Variants in NDUFA8 observed in about 807,000 individuals in gnomAD.
NDUFA8 encodes the protein NADH dehydrogenase [ubiquinone] 1 alpha subcomplex subunit 8.
NDUFA8 carries 16 observed loss-of-function variants against 20.9 expected under a neutral mutation model. The ratio of observed to expected loss-of-function variants is 0.77; its 90% CI spans 0.52 to 1.16. The LOEUF (loss-of-function observed/expected upper bound fraction) is 1.16, where lower values mean the gene tolerates loss of function less well. Among genes scored for constraint, NDUFA8 ranks in the 50% most tolerant of loss-of-function variants. The pLI is 0.00. For synonymous variants in NDUFA8, 70 were observed against 76.1 expected, an observed-to-expected ratio of 0.92 and a Z score of 0.41; for missense variants, 202 against 216.4, an observed-to-expected ratio of 0.93 and a Z score of 0.42.
intron 1 of NDUFA8, among the ~76,000 whole-genome samples, chr9:122,155,889 A>G (rs1215266455): frequency 1.3e-5 from 2 of 152,242 alleles, no homozygotes; most frequent in Non-Finnish European, 2.9e-5. Context: ...AGGTATACAC[A>G]TGTTGCTGAG....
chr9:122,148,279 T>C lies in NDUFA8; in HGVS notation c.216-2A>G. ...TCTGCACAGTGACGTTTTATCTGCC[T>C]GGAAAAGAAAGCTGGGTTAGGGGCA... On this transcript the variant is annotated splice_acceptor_variant, in intron 2 of 3. Transcript: ENST00000373768. LOFTEE classifies it high-confidence loss of function. The C allele has an allele frequency of 6.2e-7, 1 of 1,614,082 alleles. No homozygotes were observed. Among genetic ancestry groups the C allele is most frequent in the Non-Finnish European group, 8.5e-7 (1 of 1,179,982 alleles).
downstream of NDUFA8, among the ~76,000 whole-genome samples, chr9:122,141,886 C>T (rs1828826773): frequency 6.6e-6 from 1 of 152,174 alleles, no homozygotes; most frequent in Non-Finnish European, 1.5e-5. Context: ...TTTCTTTGTT[C>T]AAGGAATTCA....
In NDUFA8 at chr9:122,152,354, A is replaced by C. The variant is rs1173639392; in HGVS notation, c.106T>G (p.Cys36Gly). The C allele has an allele frequency of 6.2e-7, 1 of 1,614,124 alleles. No homozygotes were observed. Among genetic ancestry groups the C allele is most frequent in the South Asian group, 1.1e-5 (1 of 91,080 alleles). The change falls in exon 2 of 4, where the codon TGT becomes GGT. Residue 36 changes from cysteine to glycine, a missense_variant. Cys to Gly is a radical substitution (Grantham distance 159). Coordinates refer to ENST00000373768, the MANE Select transcript of NDUFA8 (RefSeq NM_014222.3). ...KAAAHHYGAQ[C>G]DKPNKEFMLC... ...ATAAACTCCTTGTTGGGCTTATCACATTGAGCTCCATAGTGATGGGCCGCA... is the reference window on the plus strand; with the variant it reads ...ATAAACTCCTTGTTGGGCTTATCACCTTGAGCTCCATAGTGATGGGCCGCA...
downstream of NDUFA8, among the ~76,000 whole-genome samples, chr9:122,141,919 G>A (rs1828827421): frequency 6.6e-6 from 1 of 152,108 alleles, no homozygotes; most frequent in Non-Finnish European, 1.5e-5. Flanking sequence ...GAGGGGGGAG[G>A]CAAGAACTGC....
downstream of NDUFA8, among the ~76,000 whole-genome samples, chr9:122,140,578 T>G (rs1406931871): frequency 6.6e-6 from 1 of 152,192 alleles, no homozygotes; most frequent in Non-Finnish European, 1.5e-5. Context: ...TCCTGGATGT[T>G]TGTCATATAC....
chr9:122,149,312 T>C (rs1351417177), intron 2 of NDUFA8, among the ~76,000 whole-genome samples: 1 of 152,212 alleles, frequency 6.6e-6, no homozygotes, highest in East Asian at 1.9e-4. Flanking sequence ...TGTCACCAGC[T>C]TCTTAGGTTT....
Position 122,148,156 on chromosome 9 carries a change from C to T in NDUFA8, c.337G>A (p.Asp113Asn). 1.9e-6 allele frequency: 3 copies of T among 1,614,144 alleles called. No homozygotes were observed. The highest frequency in any genetic ancestry group is 2.5e-6 in the Non-Finnish European group (3 of 1,180,018). The change falls in exon 3 of 4, where the codon GAC becomes AAC. Residue 113 changes from aspartate (D) to asparagine (N), a missense_variant. By Grantham distance (23) the Asp-to-Asn change is conservative. Transcript: ENST00000373768. ...TCAGGCCGCACCCAGCCCAGTTTGTCCAGCACACACTCGTCAAACTTTGCC... is the reference window on the plus strand; with the variant it reads ...TCAGGCCGCACCCAGCCCAGTTTGTTCAGCACACACTCGTCAAACTTTGCC... ...QQAKFDECVL[D>N]KLGWVRPDLG...
At chr9:122,142,551 C>A (rs1200562228), downstream of NDUFA8, among the ~76,000 whole-genome samples, 2 of 152,106 alleles carry the variant, frequency 1.3e-5, no homozygotes, top group Admixed American at 1.3e-4. Flanking sequence ...AGGAGTGTGG[C>A]CATTGGAACC....
the NDUFA8 span, among the ~76,000 whole-genome samples, chr9:122,135,085 G>C: frequency 6.6e-6 from 1 of 152,198 alleles, no homozygotes; most frequent in African/African-American, 2.4e-5. Flanking sequence ...CCCCCGTGCT[G>C]GGGGCCTCCA....
the NDUFA8 span, among the ~76,000 whole-genome samples, chr9:122,138,865 T>G: frequency 0.016 from 1,387 of 89,334 alleles, no homozygotes; most frequent in South Asian, 0.022. Flanking sequence ...CAAGAAGAGG[T>G]GGGGGGGGGG....
chr9:122,138,483 T>C, the NDUFA8 span, among the ~76,000 whole-genome samples: 20 of 152,234 alleles, frequency 1.3e-4, no homozygotes, highest in South Asian at 8.3e-4. Context: ...TCTTTTCCAA[T>C]GGCGTTAATC....
intron 3 of NDUFA8, 147 bp downstream of exon 3, chr9:122,147,965 G>T: frequency 9.8e-7 from 1 of 1,025,112 alleles, no homozygotes; most frequent in Non-Finnish European, 1.5e-6. Context: ...TCTGGATTGT[G>T]TATAATCACT....
chr9:122,132,920 A>T, the NDUFA8 span: 5 of 455,906 alleles, frequency 1.1e-5, no homozygotes, highest in Non-Finnish European at 4.4e-6. Flanking sequence ...TTTCTTCACC[A>T]TGATGCTGCA....
chr9:122,156,169 G>A (rs1829073185), intron 1 of NDUFA8, among the ~76,000 whole-genome samples: 1 of 152,176 alleles, frequency 6.6e-6, no homozygotes, highest in Non-Finnish European at 1.5e-5. Flanking sequence ...TTTCACAGCT[G>A]TTTACCATGA....
chr9:122,145,679 C>G (rs1182372042), intron 3 of NDUFA8, among the ~76,000 whole-genome samples: 1 of 152,162 alleles, frequency 6.6e-6, no homozygotes, highest in Non-Finnish European at 1.5e-5. Flanking sequence ...GTTGGCATGC[C>G]TAAGATAAGA....
intron 2 of NDUFA8, among the ~76,000 whole-genome samples, chr9:122,151,915 G>A (rs1439221295): frequency 6.6e-6 from 1 of 152,182 alleles, no homozygotes; most frequent in Non-Finnish European, 1.5e-5. Context: ...AAAAAGGACT[G>A]TGATAGGTTG....
In NDUFA8 at chr9:122,152,343, G is replaced by A. The variant is rs1376223926; in HGVS notation, c.117C>T (p.Pro39=). ...AGCGGCAGAGCATAAACTCCTTGTT[G>A]GGCTTATCACATTGAGCTCCATAGT... is the stretch of plus-strand genomic sequence containing the variant. ...AHHYGAQCDK[P]NKEFMLCRWE... Residue 39 remains proline (P), a synonymous_variant, in exon 2 of 4, where the codon CCC becomes CCT. Coordinates refer to ENST00000373768, the MANE Select transcript of NDUFA8 (RefSeq NM_014222.3). 6.2e-7 allele frequency: 1 copy of A among 1,613,918 alleles called. No homozygotes were observed. Among genetic ancestry groups the A allele is most frequent in the Non-Finnish European group, 8.5e-7 (1 of 1,179,994 alleles).
intron 3 of NDUFA8, among the ~76,000 whole-genome samples, chr9:122,147,771 C>T (rs962777443): frequency 1.9e-3 from 296 of 152,020 alleles, no homozygotes; most frequent in African/African-American, 3.4e-3. Context: ...GGACTACAGG[C>T]GCCCACCACC....
At chr9:122,158,775 AATTGTG>A (rs1310343308) in intron 1 of NDUFA8, among the ~76,000 whole-genome samples, 3 of 147,640 alleles carry the variant, frequency 2.0e-5, no homozygotes, top group African/African-American at 7.8e-5. Context: ...TATACACACC[AATTGTG>A]TGTGTGTATA....
Sources: gnomAD v4.1 joint callset for allele counts (sites outside exome capture counted in the v4.1 genomes callset) on GRCh38, gnomAD v4.1.1 for gene constraint, MANE v1.5 for transcripts, NCBI Gene and HGNC (gene_info 2026-07-23, HGNC 2026-07-21) for gene names.